DHX57: variants seen among roughly 807,000 people sequenced by gnomAD.
The protein encoded by DHX57 is DExH-box helicase 57.
A neutral mutation model predicts 156.2 loss-of-function variants in DHX57; 105 were observed. The ratio of observed to expected loss-of-function variants is 0.67; its 90% CI spans 0.57 to 0.79. The LOEUF is 0.79. Ranked by LOEUF, DHX57 falls within the 30% of genes least tolerant of loss-of-function variation. The pLI, the probability that DHX57 is intolerant of heterozygous loss-of-function variation, is 0.00. For synonymous variants in DHX57, 704 were observed against 595.6 expected, an observed-to-expected ratio of 1.18 and a Z score of -2.65; for missense variants, 1,847 against 1,661.9, an observed-to-expected ratio of 1.11 and a Z score of -1.94.
At chr2:38,829,095 T>G (rs1054506948) in intron 13 of DHX57, among the ~76,000 whole-genome samples, 1 of 151,806 alleles carries the variant, frequency 6.6e-6, no homozygotes, top group African/African-American at 2.4e-5. Context: ...GTACATGCCA[T>G]CACGCCCGGC....
chr2:38,868,274 A>T lies in DHX57; in HGVS notation c.132T>A (p.Gly44=), dbSNP rs202183499. The T allele has an allele frequency of 6.3e-7, 1 of 1,599,920 alleles. No homozygotes were observed. The highest frequency in any genetic ancestry group is 1.1e-5 in the South Asian group (1 of 90,828). The part of the protein sequence containing the change: ...HGSGGGGGGG[G]GGGGGNRKAS... ...CCTTTCTGTTGCCGCCACCTCCACC[A>T]CCACCACCACCGCCACCGCCACCAC... Residue 44 remains glycine, a synonymous_variant, in exon 2 of 24, where the codon GGT becomes GGA. Coordinates refer to ENST00000457308, the MANE Select transcript of DHX57 (RefSeq NM_198963.3).
chr2:38,859,393 G>C (rs1673067625), intron 5 of DHX57, among the ~76,000 whole-genome samples: 1 of 152,160 alleles, frequency 6.6e-6, no homozygotes, highest in African/African-American at 2.4e-5. Flanking sequence ...AATGAGGAGA[G>C]ACTGCTATGG....
At position 38,829,476 on chromosome 2, in the gene DHX57, T is replaced by G. The variant is rs1671271684; in HGVS notation, c.2543-1040A>C. On this transcript the variant is annotated intron_variant, in intron 13 of 23. Coordinates refer to ENST00000457308, the MANE Select transcript of DHX57 (RefSeq NM_198963.3). ...TTAGTAGAGACAGGTTTCACCATGT[T>G]GGTCAGGCTGGTCTCGAACTCCTGA... 2.0e-5 allele frequency among the ~76,000 whole-genome samples: 3 copies of G among 151,588 alleles called. No homozygotes were observed. The South Asian group carries it at 6.3e-4, about 32-fold the overall frequency.
intron 13 of DHX57, among the ~76,000 whole-genome samples, chr2:38,835,251 G>A (rs933134714): frequency 6.6e-6 from 1 of 152,180 alleles, no homozygotes; most frequent in Non-Finnish European, 1.5e-5. Context: ...GAAGAGAAGT[G>A]AGTACCAGGA....
intron 1 of DHX57, among the ~76,000 whole-genome samples, chr2:38,875,315 A>G (rs1665556256): frequency 6.6e-6 from 1 of 152,204 alleles, no homozygotes; most frequent in Non-Finnish European, 1.5e-5. Flanking sequence ...AAGGCACTGA[A>G]AAGTGACTAC....
At chr2:38,837,808 A>T in intron 13 of DHX57, 23 bp downstream of exon 13, 1 of 1,402,738 alleles carries the variant, frequency 7.1e-7, no homozygotes, top group Non-Finnish European at 1.0e-6. Flanking sequence ...TTGTCATTCA[A>T]GCCTTAATAA....
rs913209033 is a variant in DHX57 at position 38,853,974 on chromosome 2, A to C, written c.2030+80T>G. On this transcript the variant is annotated intron_variant, in intron 9 of 23. Coordinates refer to ENST00000457308, the MANE Select transcript of DHX57 (RefSeq NM_198963.3). ...ACCATTACTAGCTGCATGAAACTGAATTGGAACTAGAAAACAATTTTTTCT... is the reference window on the plus strand; with the variant it reads ...ACCATTACTAGCTGCATGAAACTGACTTGGAACTAGAAAACAATTTTTTCT... The C allele has an allele frequency of 3.6e-6, 5 of 1,402,844 alleles. No individual in the cohort carries two copies. The Admixed American group carries it at 1.1e-4, about 31-fold the overall frequency. The allele number at this position is 1,402,844 out of a possible 1,614,324, so 86.9% of individuals were successfully genotyped here.
intron 11 of DHX57, among the ~76,000 whole-genome samples, chr2:38,845,163 C>G (rs559649518): frequency 6.6e-6 from 1 of 151,816 alleles, no homozygotes; most frequent in Non-Finnish European, 1.5e-5. Context: ...CACCACTGCA[C>G]TCAGCCTGGG....
intron 23 of DHX57, among the ~76,000 whole-genome samples, chr2:38,799,048 A>G (rs746118009): frequency 2.0e-5 from 3 of 151,932 alleles, no homozygotes; most frequent in Non-Finnish European, 2.9e-5. Flanking sequence ...CACGAGGAGA[A>G]GCAGGAAAAT....
intron 23 of DHX57, 72 bp from the exon 24 acceptor site, chr2:38,798,514 A>G: frequency 2.7e-6 from 4 of 1,464,670 alleles, no homozygotes; most frequent in Non-Finnish European, 3.6e-6. Flanking sequence ...GGAAATACCC[A>G]AGTTATGATT....
intron 6 of DHX57, chr2:38,857,225 G>A (rs958927702): frequency 6.5e-6 from 1 of 153,078 alleles, no homozygotes; most frequent in Non-Finnish European, 1.5e-5. Context: ...ACATGGGTAG[G>A]GGCTACCATA....
Position 38,858,669 on chromosome 2 carries a change from T to C in DHX57, c.1579A>G (p.Met527Val), listed in dbSNP as rs757867759. 6.2e-7 allele frequency: 1 copy of C among 1,613,260 alleles called. No individual in the cohort carries two copies. The highest frequency in any genetic ancestry group is 8.5e-7 in the Non-Finnish European group (1 of 1,179,796). The change falls in exon 6 of 24, where the codon ATG (methionine) becomes GTG (valine). Residue 527 changes from methionine (M) to valine (V), a missense_variant. Met to Val is a conservative substitution (Grantham distance 21). Transcript: ENST00000457308. ...CTCTCAGCATACCCTACCTGTTTCA[T>C]TCGGAACTGCTTGCAGATTTTACCA... ...ENGKICKQFR[M>V]KQASRQFQSI...
intron 16 of DHX57, among the ~76,000 whole-genome samples, chr2:38,825,193 T>C (rs1199628683): frequency 6.6e-6 from 1 of 152,252 alleles, no homozygotes; most frequent in East Asian, 1.9e-4. Context: ...ACATTTTTAT[T>C]AACATGTATA....
chr2:38,834,638 A>G (rs540842830), intron 13 of DHX57, among the ~76,000 whole-genome samples: 149 of 152,324 alleles, frequency 9.8e-4, no homozygotes, highest in African/African-American at 3.4e-3. Flanking sequence ...CATCATGGCT[A>G]TACGAAGTGC....
In DHX57 at chr2:38,855,041, A is replaced by G. The variant is rs1236431330; in HGVS notation, c.1905+16T>C. ...CATAAATTTCTGTTACCAGGAAATAAGCAGAGCATACAAACCTTGACACTT... is the reference window on the plus strand; with the variant it reads ...CATAAATTTCTGTTACCAGGAAATAGGCAGAGCATACAAACCTTGACACTT... On this transcript the variant is annotated intron_variant, in intron 8 of 23. Coordinates refer to ENST00000457308, the MANE Select transcript of DHX57 (RefSeq NM_198963.3). The G allele has an allele frequency of 6.2e-7, 1 of 1,614,184 alleles. No homozygotes were observed. Among genetic ancestry groups the G allele is most frequent in the Admixed American group, 1.7e-5 (1 of 60,022 alleles).
intron 12 of DHX57, among the ~76,000 whole-genome samples, chr2:38,841,411 C>G (rs1328275555): frequency 1.3e-5 from 2 of 152,152 alleles, no homozygotes; most frequent in Non-Finnish European, 2.9e-5. Flanking sequence ...CTATAAAACA[C>G]AAGTCCATTC....
chr2:38,833,504 T>C (rs1013851104), intron 13 of DHX57, among the ~76,000 whole-genome samples: 1 of 152,100 alleles, frequency 6.6e-6, no homozygotes, highest in African/African-American at 2.4e-5. Flanking sequence ...GGGTGGTCTG[T>C]AGAGGTAAAT....
chr2:38,824,352 A>T (rs902192332), intron 16 of DHX57, among the ~76,000 whole-genome samples: 1 of 152,210 alleles, frequency 6.6e-6, no homozygotes, highest in African/African-American at 2.4e-5. Flanking sequence ...GGGGCTGGAC[A>T]TGAGGGGAAA....
intron 1 of DHX57, among the ~76,000 whole-genome samples, chr2:38,874,200 T>C (rs891080944): frequency 1.3e-5 from 2 of 151,982 alleles, no homozygotes; most frequent in African/African-American, 4.8e-5. Context: ...CAAGCAATCC[T>C]CCTGCCTCAG....
Sources: allele counts gnomAD v4.1 joint callset (sites outside exome capture counted in the v4.1 genomes callset), GRCh38; gene constraint gnomAD v4.1.1; transcripts MANE v1.5; gene names NCBI Gene and HGNC (gene_info 2026-07-23, HGNC 2026-07-21).